MCPH1: variants seen among roughly 807,000 people sequenced by gnomAD.
The protein encoded by MCPH1 is microcephalin 1, also known as microcephalin.
In MCPH1, 104 loss-of-function variants were observed where a neutral mutation model predicts 84.5. That is an observed-to-expected ratio of 1.23 (90% CI 1.05 to 1.45). The LOEUF is 1.45. Among genes scored for constraint, MCPH1 ranks in the 40% most tolerant of loss-of-function variants. The pLI is 0.00. For missense variants in MCPH1, 1,498 were observed against 1,005.7 expected, an observed-to-expected ratio of 1.49 and a Z score of -6.62; for synonymous variants, 514 against 366.8, an observed-to-expected ratio of 1.40 and a Z score of -4.58.
chr8:6,411,223 G>C (rs1019475445), intron 2 of MCPH1, among the ~76,000 whole-genome samples: 4 of 152,150 alleles, frequency 2.6e-5, no homozygotes, highest in African/African-American at 9.7e-5. Context: ...AACTGTACGG[G>C]TGCTGCCCCA....
intron 12 of MCPH1, among the ~76,000 whole-genome samples, chr8:6,545,559 C>T (rs2129574409): frequency 6.6e-6 from 1 of 152,288 alleles, no homozygotes; most frequent in African/African-American, 2.4e-5. Context: ...TAAACCATTC[C>T]AGCCATCTGA....
At chr8:6,600,146 T>G (rs921584640) in intron 12 of MCPH1, among the ~76,000 whole-genome samples, 4 of 152,270 alleles carry the variant, frequency 2.6e-5, no homozygotes, top group Non-Finnish European at 4.4e-5. Context: ...TGGAATTTCT[T>G]GTCCTTTTCC....
At chr8:6,466,060 T>C (rs981212344) in intron 9 of MCPH1, among the ~76,000 whole-genome samples, 1 of 151,776 alleles carries the variant, frequency 6.6e-6, no homozygotes, top group Non-Finnish European at 1.5e-5. Flanking sequence ...GTTCAAGTGA[T>C]TCTTGTGCCT....
intron 3 of MCPH1, among the ~76,000 whole-genome samples, chr8:6,423,348 G>A (rs550418058): frequency 2.4e-4 from 36 of 150,894 alleles, no homozygotes; most frequent in Non-Finnish European, 4.3e-4. Context: ...TGTATTTTTA[G>A]TAGAGACGGG....
intron 8 of MCPH1, among the ~76,000 whole-genome samples, chr8:6,447,845 G>A (rs1042644283): frequency 1.9e-4 from 29 of 152,160 alleles, no homozygotes; most frequent in African/African-American, 7.0e-4. Context: ...TACCGCGCCC[G>A]GCCAACAATT....
chr8:6,446,490 G>A, intron 8 of MCPH1: 2 of 984,566 alleles, frequency 2.0e-6, no homozygotes, highest in Non-Finnish European at 2.4e-6. Flanking sequence ...CAAAAAGAAT[G>A]AAAATAATTT....
chr8:6,419,967 G>A (rs1467556569), intron 3 of MCPH1, among the ~76,000 whole-genome samples: 1 of 151,800 alleles, frequency 6.6e-6, no homozygotes, highest in African/African-American at 2.4e-5. Context: ...TCCATTCATT[G>A]CATAGGCCAG....
At chr8:6,456,293 C>T (rs80140832) in intron 9 of MCPH1, among the ~76,000 whole-genome samples, 2,317 of 152,254 alleles carry the variant, frequency 0.015, 28 homozygotes, top group Middle Eastern at 0.027. Flanking sequence ...TCTACAATGG[C>T]GTTGCGCACT....
At position 6,409,347 on chromosome 8, in the gene MCPH1, C is replaced by G. The variant is rs1461489255; in HGVS notation, c.91C>G (p.Gln31Glu). Residue 31 changes from glutamine (Q) to glutamate (E), a missense_variant, in exon 2 of 14, where the codon CAG becomes GAG. Transcript: ENST00000344683. ...AAATTATTCAAAGACATTTACAACA[C>G]AGCTTGTGGATATGGGGGCAAAGGT... The part of the protein sequence containing the change: ...TENYSKTFTT[Q>E]LVDMGAKVSK... 1.2e-6 allele frequency: 2 copies of G among 1,613,662 alleles called. No homozygotes were observed. The highest frequency in any genetic ancestry group is 1.3e-5 in the African/African-American group (1 of 74,880).
chr8:6,622,782 C>G lies in MCPH1; in HGVS notation c.2452+1091C>G, dbSNP rs542411043. ...ATCTCTGTGTGTGTCCAAATGTTCT[C>G]TTCTCTAAGGATACCAGTCAGATTG... On this transcript the variant is annotated intron_variant, in intron 13 of 13. Coordinates refer to ENST00000344683, the MANE Select transcript of MCPH1 (RefSeq NM_024596.5). Among the ~76,000 whole-genome samples, 16 of 152,172 alleles carry G rather than the reference C, an allele frequency of 1.1e-4. 1 individual carries two copies. Among genetic ancestry groups the G allele is most frequent in the Admixed American group, 4.6e-4 (7 of 15,284 alleles).
At chr8:6,493,547 T>G (rs1464610218) in intron 11 of MCPH1, among the ~76,000 whole-genome samples, 1 of 152,214 alleles carries the variant, frequency 6.6e-6, no homozygotes, top group Non-Finnish European at 1.5e-5. Flanking sequence ...ATATTTAGCT[T>G]CCTGCCCCTT....
chr8:6,412,545 G>T (rs760368380), intron 2 of MCPH1, among the ~76,000 whole-genome samples: 1 of 152,206 alleles, frequency 6.6e-6, no homozygotes, highest in African/African-American at 2.4e-5. Context: ...CTACAGGCCT[G>T]TGAGGGTCAT....
At chr8:6,407,669 A>G (rs1797935935) in intron 1 of MCPH1, among the ~76,000 whole-genome samples, 1 of 152,194 alleles carries the variant, frequency 6.6e-6, no homozygotes, top group Non-Finnish European at 1.5e-5. Flanking sequence ...TAATGTTAGT[A>G]TTTTGTTAAA....
At chr8:6,415,412 C>G (rs1585597952) in intron 3 of MCPH1, among the ~76,000 whole-genome samples, 5 of 152,116 alleles carry the variant, frequency 3.3e-5, no homozygotes, top group African/African-American at 9.6e-5. Flanking sequence ...CTCAGCCTCC[C>G]AAGTAGCTGG....
intron 9 of MCPH1, among the ~76,000 whole-genome samples, chr8:6,467,878 A>T (rs1216850624): frequency 6.6e-6 from 1 of 152,210 alleles, no homozygotes; most frequent in Admixed American, 6.5e-5. Context: ...GATTATAGGC[A>T]TGAACCACCA....
chr8:6,641,199 T>A (rs760542766), intron 13 of MCPH1, among the ~76,000 whole-genome samples: 38 of 152,232 alleles, frequency 2.5e-4, no homozygotes, highest in Non-Finnish European at 4.7e-4. Flanking sequence ...GGAAAGAGCA[T>A]CATTTTTTCT....
At chr8:6,498,103 A>C (rs1272397039) in intron 11 of MCPH1, among the ~76,000 whole-genome samples, 1 of 152,252 alleles carries the variant, frequency 6.6e-6, no homozygotes, top group Non-Finnish European at 1.5e-5. Context: ...ATTCATCAGC[A>C]AGGTTTTGGT....
intron 12 of MCPH1, among the ~76,000 whole-genome samples, chr8:6,559,227 G>T (rs1450624983): frequency 3.4e-5 from 1 of 28,990 alleles, no homozygotes. Flanking sequence ...AGCCACACAC[G>T]ACAACACACA....
At chr8:6,532,501 G>A (rs1819707403) in intron 12 of MCPH1, 1 of 1,588,574 alleles carries the variant, frequency 6.3e-7, no homozygotes, top group Admixed American at 1.7e-5. Flanking sequence ...GAAAAGAACA[G>A]TGTTAGAAGG....
Sources: gnomAD v4.1 joint callset for allele counts (sites outside exome capture counted in the v4.1 genomes callset) on GRCh38, gnomAD v4.1.1 for gene constraint, MANE v1.5 for transcripts, NCBI Gene and HGNC (gene_info 2026-07-23, HGNC 2026-07-21) for gene names.